The following SKAP1 variants were observed in gnomAD, a reference collection of about 807,000 sequenced individuals.
SKAP1 encodes the protein src kinase associated phosphoprotein 1, also known as src kinase-associated phosphoprotein 1.
A neutral mutation model predicts 58.5 loss-of-function variants in SKAP1; 44 were observed. The observed-to-expected ratio is 0.75, with a 90% CI of 0.59 to 0.97. The LOEUF (loss-of-function observed/expected upper bound fraction) is 0.97. Among genes scored for constraint, SKAP1 ranks in the 50% least tolerant of loss-of-function variants. The pLI is 0.00. For missense variants in SKAP1, 390 were observed against 435.2 expected, an observed-to-expected ratio of 0.90 and a Z score of 0.92; for synonymous variants, 127 against 149.7, an observed-to-expected ratio of 0.85 and a Z score of 1.11.
At chr17:48,238,098 A>C (rs1261667372) in intron 4 of SKAP1, among the ~76,000 whole-genome samples, 1 of 151,980 alleles carries the variant, frequency 6.6e-6, no homozygotes, top group Non-Finnish European at 1.5e-5. Context: ...AGTACAAGCA[A>C]TTCTCCTGCC....
intron 2 of SKAP1, among the ~76,000 whole-genome samples, chr17:48,372,702 G>A (rs553955435): frequency 6.6e-6 from 1 of 152,296 alleles, no homozygotes; most frequent in African/African-American, 2.4e-5. Context: ...ATGCAGTGGT[G>A]CAATCATAGC....
chr17:48,278,020 T>C (rs1266196373), intron 4 of SKAP1, among the ~76,000 whole-genome samples: 1 of 152,244 alleles, frequency 6.6e-6, no homozygotes, highest in Non-Finnish European at 1.5e-5. Flanking sequence ...TTTGGGTTTT[T>C]ATCATATTTC....
intron 4 of SKAP1, among the ~76,000 whole-genome samples, chr17:48,293,366 C>T (rs118170938): frequency 6.6e-6 from 1 of 152,238 alleles, no homozygotes; most frequent in Non-Finnish European, 1.5e-5. Flanking sequence ...AGGAATAATA[C>T]ATGTGTCTGT....
At chr17:48,183,001 T>A (rs952957899) in intron 7 of SKAP1, among the ~76,000 whole-genome samples, 3 of 152,166 alleles carry the variant, frequency 2.0e-5, no homozygotes, top group African/African-American at 7.2e-5. Flanking sequence ...AGAACATGAC[T>A]TACGGGGAAG....
chr17:48,270,952 G>A (rs1598493142), intron 4 of SKAP1, among the ~76,000 whole-genome samples: 2 of 151,924 alleles, frequency 1.3e-5, no homozygotes, highest in African/African-American at 4.8e-5. Context: ...AGCGGGGGGA[G>A]GGGGTTGGTG....
At chr17:48,375,365 G>C (rs1053872044) in intron 2 of SKAP1, among the ~76,000 whole-genome samples, 3 of 152,106 alleles carry the variant, frequency 2.0e-5, no homozygotes, top group Admixed American at 6.5e-5. Flanking sequence ...CAGCAAAAAA[G>C]AAATTAAATT....
At chr17:48,378,262 G>A (rs949003059) in intron 2 of SKAP1, among the ~76,000 whole-genome samples, 3 of 152,186 alleles carry the variant, frequency 2.0e-5, no homozygotes, top group African/African-American at 7.2e-5. Flanking sequence ...TGAGCATGAA[G>A]AGCAAAGTCT....
At chr17:48,181,241 T>A (rs1488646829) in intron 8 of SKAP1, among the ~76,000 whole-genome samples, 3 of 152,238 alleles carry the variant, frequency 2.0e-5, no homozygotes, top group African/African-American at 4.8e-5. Context: ...TTAAACCATA[T>A]GTTATTATTT....
chr17:48,222,159 G>C lies in SKAP1; in HGVS notation c.281-32659C>G, dbSNP rs186796301. Among the ~76,000 whole-genome samples the C allele has an allele frequency of 7.4e-4, 113 of 152,260 alleles. 2 individuals are homozygous for C. The highest frequency in any genetic ancestry group is 7.4e-3 in the Admixed American group (113 of 15,294). ...AGCTACAGGCTTTGAGAAGTAGAGGGAACCACAAAGAGCCTAAGCGTAGGG... is the reference window on the plus strand; with the variant it reads ...AGCTACAGGCTTTGAGAAGTAGAGGCAACCACAAAGAGCCTAAGCGTAGGG... On this transcript the variant is annotated intron_variant, in intron 4 of 12. Coordinates refer to ENST00000336915, the MANE Select transcript of SKAP1 (RefSeq NM_003726.4).
In SKAP1 at chr17:48,326,701, T is replaced by C. The variant is rs1335879219; in HGVS notation, c.280+19204A>G. On this transcript the variant is annotated intron_variant, in intron 4 of 12. Transcript: ENST00000336915. ...GAGCAGGACATTAATACATATCTAATAATCCCCCCACTGGTTTTTCTAGAT... is the reference window on the plus strand; with the variant it reads ...GAGCAGGACATTAATACATATCTAACAATCCCCCCACTGGTTTTTCTAGAT... Among the ~76,000 whole-genome samples the C allele has an allele frequency of 2.0e-5, 3 of 152,272 alleles. No individual in the cohort carries two copies. In the East Asian group the frequency reaches 5.8e-4, roughly 29 times the overall value.
At chr17:48,343,634 G>A (rs72827839) in intron 4 of SKAP1, among the ~76,000 whole-genome samples, 22,042 of 152,074 alleles carry the variant, frequency 0.14, 2,211 homozygotes, top group Non-Finnish European at 0.21. Flanking sequence ...CCTCTTATGA[G>A]TTTTGCACTT....
At chr17:48,202,023 T>C (rs2064734312) in intron 4 of SKAP1, among the ~76,000 whole-genome samples, 1 of 152,200 alleles carries the variant, frequency 6.6e-6, no homozygotes, top group South Asian at 2.1e-4. Context: ...ATCTTATGTG[T>C]GTCTGAGCAT....
At chr17:48,402,493 T>C (rs2067511967) in intron 1 of SKAP1, among the ~76,000 whole-genome samples, 1 of 151,964 alleles carries the variant, frequency 6.6e-6, no homozygotes, top group African/African-American at 2.4e-5. Flanking sequence ...CCATGCTGGG[T>C]TAATTTTTGT....
intron 3 of SKAP1, among the ~76,000 whole-genome samples, chr17:48,357,928 T>C (rs1203250367): frequency 6.6e-6 from 1 of 152,208 alleles, no homozygotes; most frequent in Non-Finnish European, 1.5e-5. Flanking sequence ...TCAAGACTGT[T>C]GATGTTAAAA....
chr17:48,353,095 T>C (rs1432473115), intron 3 of SKAP1, among the ~76,000 whole-genome samples: 1 of 152,206 alleles, frequency 6.6e-6, no homozygotes, highest in Admixed American at 6.5e-5. Context: ...GTCAATGATT[T>C]GGTCAAGAAA....
At chr17:48,212,895 C>T (rs2064891026) in intron 4 of SKAP1, among the ~76,000 whole-genome samples, 1 of 152,280 alleles carries the variant, frequency 6.6e-6, no homozygotes, top group African/African-American at 2.4e-5. Context: ...GGAGACAAGG[C>T]TTTATCCCAA....
intron 11 of SKAP1, among the ~76,000 whole-genome samples, chr17:48,154,930 T>C (rs2063952948): frequency 6.6e-6 from 1 of 151,342 alleles, no homozygotes; most frequent in South Asian, 2.1e-4. Context: ...TGTGGTGGCT[T>C]GAGCCTGTAA....
At chr17:48,159,319 G>T (rs1378486202) in intron 11 of SKAP1, among the ~76,000 whole-genome samples, 1 of 152,176 alleles carries the variant, frequency 6.6e-6, no homozygotes, top group Non-Finnish European at 1.5e-5. Flanking sequence ...ATTCTTAGAT[G>T]CTATCCAACT....
At chr17:48,318,629 G>A (rs1372932654) in intron 4 of SKAP1, among the ~76,000 whole-genome samples, 1 of 152,240 alleles carries the variant, frequency 6.6e-6, no homozygotes, top group East Asian at 1.9e-4. Context: ...ACTTTGGGAG[G>A]CCACGGCAGG....
Sources: allele counts gnomAD v4.1 joint callset (sites outside exome capture counted in the v4.1 genomes callset), GRCh38; gene constraint gnomAD v4.1.1; transcripts MANE v1.5; gene names NCBI Gene and HGNC (gene_info 2026-07-23, HGNC 2026-07-21).